Variants in SFRP1 observed in about 807,000 individuals in gnomAD.
SFRP1 encodes the protein secreted frizzled-related protein 1.
In SFRP1, 9 loss-of-function variants were observed where a neutral mutation model predicts 25.9. The observed-to-expected ratio is 0.35, with a 90% CI of 0.21 to 0.61. SFRP1 has a LOEUF of 0.61. Among genes scored for constraint, SFRP1 ranks in the 20% least tolerant of loss-of-function variants. The probability of loss-of-function intolerance (pLI) is 0.78; values close to 1 mark genes in which losing one functional copy is unlikely to be tolerated. For synonymous variants in SFRP1, 178 were observed against 174.0 expected (o/e 1.02, Z -0.18); for missense variants, 346 against 418.2 (o/e 0.83, Z 1.51).
At chr8:41,305,948 A>C (rs1042960057) in intron 1 of SFRP1, among the ~76,000 whole-genome samples, 1 of 152,218 alleles carries the variant, frequency 6.6e-6, no homozygotes, top group East Asian at 1.9e-4. Flanking sequence ...TGCCACACTG[A>C]CTAAATGCAC....
intron 2 of SFRP1, chr8:41,275,046 A>C: frequency 3.6e-6 from 1 of 274,282 alleles, no homozygotes; most frequent in Non-Finnish European, 7.3e-6. Flanking sequence ...GAGGCAGTCC[A>C]CTGATTTAGT....
intron 1 of SFRP1, chr8:41,306,786 C>A: frequency 6.3e-7 from 1 of 1,598,104 alleles, no homozygotes; most frequent in Non-Finnish European, 8.5e-7. Flanking sequence ...AGAAGGGCGC[C>A]GACCAGTGGA....
intron 2 of SFRP1, among the ~76,000 whole-genome samples, chr8:41,295,351 A>G (rs915819929): frequency 2.0e-5 from 3 of 150,760 alleles, no homozygotes; most frequent in Admixed American, 2.0e-4. Context: ...ACAGAGGGAG[A>G]CTCCGTCTCA....
intron 2 of SFRP1, among the ~76,000 whole-genome samples, chr8:41,300,497 C>T (rs1322073061): frequency 6.6e-6 from 1 of 152,140 alleles, no homozygotes; most frequent in Non-Finnish European, 1.5e-5. Context: ...TATCACCATG[C>T]AAATTTCCCC....
In SFRP1 at chr8:41,308,980, G is replaced by A. The variant is rs758232055; in HGVS notation, c.180C>T (p.Asp60=). The A allele has an allele frequency of 1.9e-6, 3 of 1,613,342 alleles. No individual in the cohort carries two copies. Among genetic ancestry groups the A allele is most frequent in the Middle Eastern group, 1.6e-4 (1 of 6,062 alleles). The change falls in exon 1 of 3, where the codon GAC becomes GAT. Residue 60 remains aspartate (D), a synonymous_variant. Coordinates refer to ENST00000220772, the MANE Select transcript of SFRP1 (RefSeq NM_003012.5). ...GGCACAGCCGCAGGTCCGCGGGGATGTCCACGCACTGAGGTGGCTTGGTGT... is the reference window on the plus strand; with the variant it reads ...GGCACAGCCGCAGGTCCGCGGGGATATCCACGCACTGAGGTGGCTTGGTGT... The part of the protein sequence containing the change: ...RFYTKPPQCV[D]IPADLRLCHN...
intron 2 of SFRP1, among the ~76,000 whole-genome samples, chr8:41,274,731 T>A (rs1221205545): frequency 6.6e-6 from 1 of 152,232 alleles, no homozygotes; most frequent in East Asian, 1.9e-4. Flanking sequence ...TGCATGCAGT[T>A]TTTGTTAAAA....
intron 2 of SFRP1, among the ~76,000 whole-genome samples, chr8:41,286,505 G>T (rs563898185): frequency 1.3e-5 from 2 of 152,078 alleles, no homozygotes; most frequent in Admixed American, 6.5e-5. Flanking sequence ...GAAGCGGGGC[G>T]GGGGGAGGGG....
intron 1 of SFRP1, among the ~76,000 whole-genome samples, chr8:41,306,239 C>T (rs1803994136): frequency 6.6e-6 from 1 of 152,126 alleles, no homozygotes; most frequent in South Asian, 2.1e-4. Context: ...AGACAGCTGG[C>T]CAATAATCCA....
chr8:41,307,632 A>G (rs1259274197), intron 1 of SFRP1, among the ~76,000 whole-genome samples: 1 of 152,240 alleles, frequency 6.6e-6, no homozygotes, highest in Non-Finnish European at 1.5e-5. Context: ...CTTCGCTTCT[A>G]AAGAATTCTG....
intron 1 of SFRP1, among the ~76,000 whole-genome samples, chr8:41,308,224 C>T (rs1265972827): frequency 6.6e-6 from 1 of 152,240 alleles, no homozygotes; most frequent in East Asian, 1.9e-4. Context: ...AGGTTAAAAA[C>T]TTCGATAGGG....
intron 2 of SFRP1, among the ~76,000 whole-genome samples, chr8:41,275,693 G>C (rs1349726518): frequency 6.6e-6 from 1 of 151,578 alleles, no homozygotes; most frequent in Non-Finnish European, 1.5e-5. Flanking sequence ...TAGTAGAGAC[G>C]GGGTTTCACC....
At chr8:41,306,787 G>C (rs754135250) in intron 1 of SFRP1, 1 of 1,597,936 alleles carries the variant, frequency 6.3e-7, no homozygotes, top group Non-Finnish European at 8.5e-7. Flanking sequence ...GAAGGGCGCC[G>C]ACCAGTGGAA....
rs397893046 is a variant in SFRP1, at chr8:41,288,530, C to CAA, written c.622+14929_622+14930dup. 4.1e-4 allele frequency among the ~76,000 whole-genome samples: 16 copies of CAA among 39,110 alleles called. 4 individuals are homozygous for CAA. The highest frequency in any genetic ancestry group is 1.3e-3 in the Admixed American group (3 of 2,296). 25.7% of individuals were successfully genotyped at this position (39,110 alleles called of 152,430 possible). Reference sequence around the variant, plus strand: ...CCAGCCTGGGCAAAGAGACCCTGTCCAAAAAAAAAAAAAAAAAAAAAAAAA... The same window carrying CAA: ...CCAGCCTGGGCAAAGAGACCCTGTCCAAAAAAAAAAAAAAAAAAAAAAAAAAA... On this transcript the variant is annotated intron_variant, in intron 2 of 2. Coordinates refer to ENST00000220772, the MANE Select transcript of SFRP1 (RefSeq NM_003012.5).
chr8:41,295,182 G>A (rs998714017), intron 2 of SFRP1, among the ~76,000 whole-genome samples: 1 of 152,118 alleles, frequency 6.6e-6, no homozygotes, highest in Non-Finnish European at 1.5e-5. Flanking sequence ...CCAACATGGT[G>A]AAACCCCATC....
intron 2 of SFRP1, 25 bp from the exon 3 acceptor site, chr8:41,265,514 GA>G: frequency 6.5e-7 from 1 of 1,539,122 alleles, no homozygotes; most frequent in Non-Finnish European, 8.8e-7. Context: ...GACAGAAGAA[GA>G]GAAAAGAGGG....
intron 2 of SFRP1, among the ~76,000 whole-genome samples, chr8:41,285,203 A>G (rs1803683553): frequency 6.6e-6 from 1 of 152,152 alleles, no homozygotes. Flanking sequence ...CATTTTACCG[A>G]TCAGAAAACT....
chr8:41,280,755 C>A (rs931350222), intron 2 of SFRP1, among the ~76,000 whole-genome samples: 1 of 152,162 alleles, frequency 6.6e-6, no homozygotes, highest in African/African-American at 2.4e-5. Flanking sequence ...GGACAAACAG[C>A]CCCAGCCCTA....
chr8:41,276,528 A>G (rs1002472658), intron 2 of SFRP1, among the ~76,000 whole-genome samples: 7 of 152,196 alleles, frequency 4.6e-5, no homozygotes, highest in Non-Finnish European at 1.0e-4. Flanking sequence ...TTAGCAGAGA[A>G]AGGGGCTTGT....
chr8:41,290,600 C>A (rs1239696689), intron 2 of SFRP1, among the ~76,000 whole-genome samples: 2 of 152,222 alleles, frequency 1.3e-5, no homozygotes, highest in African/African-American at 4.8e-5. Flanking sequence ...GGGGCACTGA[C>A]CGCAGCAGAT....
Sources: allele counts gnomAD v4.1 joint callset (sites outside exome capture counted in the v4.1 genomes callset), GRCh38; gene constraint gnomAD v4.1.1; transcripts MANE v1.5; gene names NCBI Gene and HGNC (gene_info 2026-07-23, HGNC 2026-07-21).